SEMA6D: variants seen among roughly 807,000 people sequenced by gnomAD.
The protein encoded by SEMA6D is semaphorin-6D.
Under a neutral mutation model 106.6 loss-of-function variants are expected in SEMA6D, and 35 were observed. That is an observed-to-expected ratio of 0.33 (90% CI 0.25 to 0.44). The LOEUF (loss-of-function observed/expected upper bound fraction) is 0.44, where lower values mean the gene tolerates loss of function less well. SEMA6D is among the 20% of genes least tolerant of loss of function. The pLI is 1.00. For missense variants in SEMA6D, 1,185 were observed against 1,345.9 expected (o/e 0.88, Z 1.87); for synonymous variants, 499 against 487.7 (o/e 1.02, Z -0.31).
intron 4 of SEMA6D, among the ~76,000 whole-genome samples, chr15:47,699,750 C>A (rs1013707250): frequency 6.6e-6 from 1 of 152,184 alleles, no homozygotes; most frequent in South Asian, 2.1e-4. Context: ...AAGACCAAGA[C>A]AAGACAAGGA....
intron 1 of SEMA6D, among the ~76,000 whole-genome samples, chr15:47,737,770 G>T (rs2080533999): frequency 6.6e-6 from 1 of 152,032 alleles, no homozygotes; most frequent in South Asian, 2.1e-4. Flanking sequence ...TTTGCTAAGG[G>T]TAAATCACCA....
chr15:47,560,411 G>A (rs1454326546), intron 3 of SEMA6D, among the ~76,000 whole-genome samples: 1 of 151,914 alleles, frequency 6.6e-6, no homozygotes, highest in African/African-American at 2.4e-5. Flanking sequence ...GAGTTGAAAA[G>A]TACAATATCT....
At chr15:47,233,187 T>A (rs1490203544) in intron 1 of SEMA6D, among the ~76,000 whole-genome samples, 1 of 152,022 alleles carries the variant, frequency 6.6e-6, no homozygotes, top group Admixed American at 6.6e-5. Flanking sequence ...CAGCACCATT[T>A]GTTGAAAAGA....
At chr15:47,495,200 A>C (rs989559822) in intron 3 of SEMA6D, among the ~76,000 whole-genome samples, 19 of 152,008 alleles carry the variant, frequency 1.2e-4, no homozygotes, top group Admixed American at 6.6e-5. Context: ...AAACTCTATA[A>C]ATAATAATTT....
intron 1 of SEMA6D, among the ~76,000 whole-genome samples, chr15:47,735,837 T>G (rs1363230227): frequency 6.6e-6 from 1 of 152,190 alleles, no homozygotes; most frequent in East Asian, 1.9e-4. Flanking sequence ...TCAAGCCAAT[T>G]AAGATCAAAC....
chr15:47,670,065 T>C (rs1423523620), intron 4 of SEMA6D, among the ~76,000 whole-genome samples: 1 of 152,238 alleles, frequency 6.6e-6, no homozygotes, highest in Non-Finnish European at 1.5e-5. Context: ...GGAGAAATTC[T>C]GTGCATCCTT....
intron 4 of SEMA6D, among the ~76,000 whole-genome samples, chr15:47,664,455 G>A (rs996721128): frequency 1.3e-5 from 2 of 151,120 alleles, no homozygotes; most frequent in African/African-American, 4.9e-5. Context: ...ATTTAGACCG[G>A]AAACCACACT....
At chr15:47,585,733 G>C (rs2076327150) in intron 3 of SEMA6D, among the ~76,000 whole-genome samples, 1 of 151,412 alleles carries the variant, frequency 6.6e-6, no homozygotes, top group African/African-American at 2.4e-5. Context: ...CATTTACTAT[G>C]TGCTATGCAC....
intron 18 of SEMA6D, among the ~76,000 whole-genome samples, chr15:47,770,242 T>C (rs16960072): frequency 0.088 from 13,336 of 152,090 alleles, 1,037 homozygotes; most frequent in East Asian, 0.44. Flanking sequence ...TTATGAGGGA[T>C]TGGAGGAAAA....
chr15:47,630,420 G>T (rs1434166045), intron 4 of SEMA6D, among the ~76,000 whole-genome samples: 1 of 151,770 alleles, frequency 6.6e-6, no homozygotes, highest in African/African-American at 2.4e-5. Flanking sequence ...ATTGTTCGTT[G>T]TTATGTAGAA....
intron 1 of SEMA6D, among the ~76,000 whole-genome samples, chr15:47,348,727 C>CACCACACACACAGAGAGAGAG (rs1450109233): frequency 1.8e-5 from 1 of 57,056 alleles, no homozygotes; most frequent in African/African-American, 5.0e-5. Flanking sequence ...ACCACACACA[C>CACCACACACACAGAGAGAGAG]AGAGAGAGAG....
chr15:47,371,657 C>T (rs537553788), intron 1 of SEMA6D, among the ~76,000 whole-genome samples: 4 of 152,142 alleles, frequency 2.6e-5, no homozygotes, highest in Admixed American at 2.0e-4. Context: ...TGTTGACCCT[C>T]GCGTGCCATG....
At chr15:47,648,461 C>T (rs2077622603) in intron 4 of SEMA6D, among the ~76,000 whole-genome samples, 1 of 146,250 alleles carries the variant, frequency 6.8e-6, no homozygotes, top group African/African-American at 2.7e-5. Flanking sequence ...CAACCCTGAA[C>T]TGGAATAACT....
chr15:47,760,846 CTTTG>C (rs1700135833), intron 3 of SEMA6D, 128 bp from the exon 4 acceptor site: 10 of 784,824 alleles, frequency 1.3e-5, no homozygotes, highest in East Asian at 8.1e-5. Context: ...TCTTTGTTGA[CTTTG>C]TTTGAGACAG....
intron 1 of SEMA6D, among the ~76,000 whole-genome samples, chr15:47,293,037 T>A (rs2035655751): frequency 6.6e-6 from 1 of 152,212 alleles, no homozygotes; most frequent in South Asian, 2.1e-4. Context: ...GATTACTGAA[T>A]CCAATATTGG....
intron 1 of SEMA6D, among the ~76,000 whole-genome samples, chr15:47,193,938 A>C (rs1481202754): frequency 1.3e-5 from 2 of 151,940 alleles, no homozygotes; most frequent in African/African-American, 2.4e-5. Flanking sequence ...CCTCTATTTC[A>C]TGACTAGATT....
chr15:47,744,566 T>TG (rs1043451656), intron 1 of SEMA6D, among the ~76,000 whole-genome samples: 26 of 152,034 alleles, frequency 1.7e-4, no homozygotes, highest in Non-Finnish European at 2.9e-4. Context: ...CACATGGTTG[T>TG]GGGGGGGAAA....
At chr15:47,412,389 G>A (rs2040828516) in intron 1 of SEMA6D, 1 of 152,546 alleles carries the variant, frequency 6.6e-6, no homozygotes, top group South Asian at 2.1e-4. Context: ...TTGACTTTTG[G>A]CAGGATCTCC....
chr15:47,542,002 T>TTA (rs2142229050), intron 3 of SEMA6D, among the ~76,000 whole-genome samples: 1 of 152,328 alleles, frequency 6.6e-6, no homozygotes, highest in African/African-American at 2.4e-5. Context: ...AAAAAAACTG[T>TTA]TATATATGCA....
Sources: gnomAD v4.1 joint callset for allele counts (sites outside exome capture counted in the v4.1 genomes callset) on GRCh38, gnomAD v4.1.1 for gene constraint, MANE v1.5 for transcripts, NCBI Gene and HGNC (gene_info 2026-07-23, HGNC 2026-07-21) for gene names.